Variants in SLIT3 observed in about 807,000 individuals in gnomAD.
SLIT3 encodes slit guidance ligand 3.
In SLIT3, 68 loss-of-function variants were observed where a neutral mutation model predicts 184.0. The ratio of observed to expected loss-of-function variants is 0.37; its 90% CI spans 0.30 to 0.45. The LOEUF (loss-of-function observed/expected upper bound fraction) is 0.45. SLIT3 is among the 20% of genes least tolerant of loss of function. The pLI is 1.00. For missense variants in SLIT3, 1,707 were observed against 2,026.0 expected (o/e 0.84, Z 3.02); for synonymous variants, 831 against 828.6 (o/e 1.00, Z -0.05).
intron 5 of SLIT3, chr5:168,844,917 TTA>T: frequency 2.2e-6 from 1 of 461,238 alleles, no homozygotes; most frequent in South Asian, 3.1e-5. Context: ...TTTTTTTTTT[TTA>T]GGCAGAAGGG....
intron 3 of SLIT3, among the ~76,000 whole-genome samples, chr5:169,224,266 T>A (rs1764717939): frequency 6.6e-6 from 1 of 152,184 alleles, no homozygotes; most frequent in African/African-American, 2.4e-5. Flanking sequence ...AGAAATTAGA[T>A]GGCATATAGA....
intron 4 of SLIT3, among the ~76,000 whole-genome samples, chr5:169,045,822 G>A (rs1001854065): frequency 3.9e-5 from 6 of 152,238 alleles, no homozygotes; most frequent in Middle Eastern, 3.4e-3. Flanking sequence ...TGAGTCCTCC[G>A]ATTTTACCAT....
chr5:169,110,870 G>T (rs1345682097), intron 4 of SLIT3, among the ~76,000 whole-genome samples: 1 of 152,156 alleles, frequency 6.6e-6, no homozygotes, highest in African/African-American at 2.4e-5. Flanking sequence ...GTTCAGATGG[G>T]ATTGTGTCAC....
intron 4 of SLIT3, among the ~76,000 whole-genome samples, chr5:169,099,606 T>C (rs1277640142): frequency 2.6e-5 from 4 of 152,226 alleles, no homozygotes; most frequent in African/African-American, 9.6e-5. Flanking sequence ...ATTCAGCCTG[T>C]AAGTAGTCAC....
At chr5:168,812,738 G>A (rs1007069798) in intron 8 of SLIT3, among the ~76,000 whole-genome samples, 8 of 152,166 alleles carry the variant, frequency 5.3e-5, no homozygotes, top group African/African-American at 1.9e-4. Flanking sequence ...AATACCAGAG[G>A]CATGATAATT....
intron 4 of SLIT3, among the ~76,000 whole-genome samples, chr5:169,081,588 G>C (rs1321893356): frequency 1.3e-5 from 2 of 152,128 alleles, no homozygotes; most frequent in Non-Finnish European, 2.9e-5. Flanking sequence ...CGAGGAGAAG[G>C]GGATGCTAGG....
chr5:168,876,749 T>A (rs938688135), intron 5 of SLIT3, among the ~76,000 whole-genome samples: 5 of 152,242 alleles, frequency 3.3e-5, no homozygotes, highest in African/African-American at 1.2e-4. Flanking sequence ...GTTTACTAAT[T>A]GACTCCCTCA....
At chr5:168,818,605 G>A (rs1051793964) in intron 7 of SLIT3, among the ~76,000 whole-genome samples, 1 of 152,216 alleles carries the variant, frequency 6.6e-6, no homozygotes, top group African/African-American at 2.4e-5. Flanking sequence ...TCCTGGACAT[G>A]CTAATCAGCT....
In SLIT3 at chr5:168,823,442, C is replaced by T. The variant is rs1279415297; in HGVS notation, c.558-111G>A. On this transcript the variant is annotated intron_variant, in intron 6 of 35. Coordinates refer to ENST00000519560, the MANE Select transcript of SLIT3 (RefSeq NM_003062.4). ...TTGTGACCGCAAGACCATGAGTCAA[C>T]AGTCATGGCCCAGCCAGTGGAGCAG... 2.4e-5 allele frequency: 19 copies of T among 793,586 alleles called. No homozygotes were observed. The Admixed American group carries it at 3.2e-4, about 14-fold the overall frequency. 49.2% of individuals were successfully genotyped at this position (793,586 alleles called of 1,614,324 possible).
chr5:169,163,386 G>A (rs964072556), intron 4 of SLIT3, among the ~76,000 whole-genome samples: 3 of 152,142 alleles, frequency 2.0e-5, no homozygotes, highest in South Asian at 2.1e-4. Flanking sequence ...CACTTTGAAC[G>A]TGCAGACTCC....
chr5:168,966,630 A>G (rs952619990), intron 4 of SLIT3, among the ~76,000 whole-genome samples: 4 of 152,186 alleles, frequency 2.6e-5, no homozygotes, highest in East Asian at 1.9e-4. Flanking sequence ...TCTTAAATGC[A>G]TCCTCCAAAA....
At chr5:169,260,128 G>A (rs1394044592) in intron 1 of SLIT3, among the ~76,000 whole-genome samples, 1 of 151,830 alleles carries the variant, frequency 6.6e-6, no homozygotes, top group Non-Finnish European at 1.5e-5. Context: ...CTGCACTTGA[G>A]TAGTCTTAAA....
chr5:168,981,839 C>T lies in SLIT3; in HGVS notation c.414-98503G>A, dbSNP rs77702915. Among the ~76,000 whole-genome samples, 750 of 152,220 alleles carry T rather than the reference C, an allele frequency of 4.9e-3. 8 individuals are homozygous for T. The highest frequency in any genetic ancestry group is 7.7e-3 in the Non-Finnish European group (522 of 68,004). On this transcript the variant is annotated intron_variant, in intron 4 of 35. Coordinates refer to ENST00000519560, the MANE Select transcript of SLIT3 (RefSeq NM_003062.4). ...TGGTTTCCCAAGAAACTTCTAGGAG[C>T]CTGGATGTTTAAGGGCACTGAAGGC...
At chr5:168,756,685 C>T (rs1468924766) in intron 16 of SLIT3, among the ~76,000 whole-genome samples, 1 of 152,126 alleles carries the variant, frequency 6.6e-6, no homozygotes, top group Non-Finnish European at 1.5e-5. Flanking sequence ...CTGCCAATTA[C>T]CCCCAAATGA....
At chr5:168,899,883 CTG>C (rs1760807057) in intron 4 of SLIT3, among the ~76,000 whole-genome samples, 1 of 152,144 alleles carries the variant, frequency 6.6e-6, no homozygotes, top group Non-Finnish European at 1.5e-5. Flanking sequence ...GCCTATGAGG[CTG>C]TGTCTGTGGT....
At chr5:168,953,355 G>GCTTA (rs1431646104) in intron 4 of SLIT3, among the ~76,000 whole-genome samples, 1 of 152,170 alleles carries the variant, frequency 6.6e-6, no homozygotes, top group African/African-American at 2.4e-5. Flanking sequence ...AATAGGAAGT[G>GCTTA]CTTAGTAAAG....
At chr5:169,050,468 C>T (rs896688301) in intron 4 of SLIT3, among the ~76,000 whole-genome samples, 14 of 152,270 alleles carry the variant, frequency 9.2e-5, no homozygotes, top group African/African-American at 3.1e-4. Flanking sequence ...GTTTCTTTGC[C>T]ACGATTGGGT....
intron 4 of SLIT3, among the ~76,000 whole-genome samples, chr5:169,161,651 CT>C (rs527835135): frequency 0.044 from 6,228 of 140,476 alleles, 322 homozygotes; most frequent in East Asian, 0.3. Flanking sequence ...ATAAAACAGT[CT>C]TTTTTTTTTT....
intron 4 of SLIT3, among the ~76,000 whole-genome samples, chr5:168,981,699 C>T (rs1053193413): frequency 6.6e-5 from 10 of 152,202 alleles, no homozygotes; most frequent in African/African-American, 2.4e-4. Context: ...TGATCAATAA[C>T]TCCATGTCTG....
Sources: gnomAD v4.1 joint callset for allele counts (sites outside exome capture counted in the v4.1 genomes callset) on GRCh38, gnomAD v4.1.1 for gene constraint, MANE v1.5 for transcripts, NCBI Gene and HGNC (gene_info 2026-07-23, HGNC 2026-07-21) for gene names.